The following RBFOX3 variants were observed in gnomAD, a reference collection of about 807,000 sequenced individuals.
RBFOX3 encodes the protein RNA binding fox-1 homolog 3, also known as RNA binding protein fox-1 homolog 3.
In RBFOX3, 17 loss-of-function variants were observed where a neutral mutation model predicts 48.7. The ratio of observed to expected loss-of-function variants is 0.35; its 90% CI spans 0.24 to 0.52. The LOEUF is 0.52. RBFOX3 is among the 20% of genes least tolerant of loss of function. The probability of loss-of-function intolerance (pLI) is 0.94; values close to 1 mark genes in which losing one functional copy is unlikely to be tolerated. For synonymous variants in RBFOX3, 212 were observed against 209.5 expected (o/e 1.01, Z -0.10); for missense variants, 382 against 497.5 (o/e 0.77, Z 2.21).
chr17:79,526,644 G>A (rs948719946), intron 1 of RBFOX3, among the ~76,000 whole-genome samples: 6 of 152,308 alleles, frequency 3.9e-5, no homozygotes, highest in Non-Finnish European at 5.9e-5. Flanking sequence ...GGGCACCACC[G>A]TCCCAGACAA....
intron 2 of RBFOX3, among the ~76,000 whole-genome samples, chr17:79,419,188 T>C (rs2065851715): frequency 6.6e-6 from 1 of 152,188 alleles, no homozygotes; most frequent in African/African-American, 2.4e-5. Flanking sequence ...TGTATGGATG[T>C]TTCAGGCATA....
At position 79,120,019 on chromosome 17, in the gene RBFOX3, C is replaced by A. The variant is rs541698948; in HGVS notation, c.-33-4271G>T. On this transcript the variant is annotated intron_variant, in intron 4 of 14. Transcript: ENST00000693108. ...AGAAGGCTGTGCAGCCAGTATCTGTCCCATTGCTTCTCTTCTTCCCAGGTC... is the reference window on the plus strand; with the variant it reads ...AGAAGGCTGTGCAGCCAGTATCTGTACCATTGCTTCTCTTCTTCCCAGGTC... Among the ~76,000 whole-genome samples the A allele has an allele frequency of 2.6e-5, 4 of 152,302 alleles. No individual in the cohort carries two copies. In the South Asian group the frequency reaches 8.3e-4, roughly 32 times the overall value.
chr17:79,206,782 C>T (rs2057558326), intron 4 of RBFOX3, among the ~76,000 whole-genome samples: 1 of 152,138 alleles, frequency 6.6e-6, no homozygotes, highest in African/African-American at 2.4e-5. Flanking sequence ...ATGCAACCTT[C>T]CCTCTTCTAT....
At chr17:79,281,219 A>G (rs2070385591) in intron 3 of RBFOX3, among the ~76,000 whole-genome samples, 1 of 152,230 alleles carries the variant, frequency 6.6e-6, no homozygotes, top group Admixed American at 6.5e-5. Context: ...TTGGATAATG[A>G]TGGGACTACC....
rs71161654 is a variant in RBFOX3 at position 79,234,721 on chromosome 17, C to CTTTTTTTTTTTTTT, written c.-34+1031_-34+1044dup. 12 of 61,832 alleles carry CTTTTTTTTTTTTTT rather than the reference C, an allele frequency of 1.9e-4. 2 individuals carry two copies. The highest frequency in any genetic ancestry group is 9.5e-4 in the African/African-American group (12 of 12,592). 3.8% of individuals were successfully genotyped at this position (61,832 alleles called of 1,614,324 possible). On this transcript the variant is annotated intron_variant, in intron 4 of 14. Transcript: ENST00000693108. ...TTGGGTTTATTGGGGGCATTAAGTG[C>CTTTTTTTTTTTTTT]TTTTTTTTTTTTTTTTTTTTTTTTT...
chr17:79,645,397 G>A, the RBFOX3 span, among the ~76,000 whole-genome samples: 39 of 152,050 alleles, frequency 2.6e-4, no homozygotes, highest in Non-Finnish European at 5.1e-4. Flanking sequence ...TGGCCACGGA[G>A]ACCTTGCAGT....
At position 79,141,022 on chromosome 17, in the gene RBFOX3, A is replaced by G. The variant is rs554184942; in HGVS notation, c.-33-25274T>C. Among the ~76,000 whole-genome samples, 107 of 152,158 alleles carry G rather than the reference A, an allele frequency of 7.0e-4. 1 individual carries two copies. Among genetic ancestry groups the G allele is most frequent in the Non-Finnish European group, 1.2e-3 (82 of 68,010 alleles). ...GGGATGGTCCTGGGATTTCCTGAGC[A>G]CTCTCTGGGGACAAAGCTCTATACT... On this transcript the variant is annotated intron_variant, in intron 4 of 14. Transcript: ENST00000693108.
At chr17:79,492,439 G>A (rs966189418) in intron 1 of RBFOX3, among the ~76,000 whole-genome samples, 1 of 152,188 alleles carries the variant, frequency 6.6e-6, no homozygotes, top group Non-Finnish European at 1.5e-5. Context: ...GAAGTCAGCC[G>A]CCCTGTCATG....
chr17:79,092,851 T>C (rs2074236718), intron 14 of RBFOX3, among the ~76,000 whole-genome samples: 1 of 152,140 alleles, frequency 6.6e-6, no homozygotes, highest in Admixed American at 6.5e-5. Context: ...TGGGCCAGTG[T>C]GGGGTGCTCT....
intron 3 of RBFOX3, among the ~76,000 whole-genome samples, chr17:79,280,762 TGCCTCTGCTTTGCCAGGG>T (rs1485763733): frequency 2.6e-4 from 39 of 148,954 alleles, no homozygotes; most frequent in African/African-American, 9.6e-4. Flanking sequence ...CATCCAGATT[TGCCTCTGCTTTGCCAGGG>T]GCCTCTGCCT....
chr17:79,434,932 T>C (rs1397080261), intron 2 of RBFOX3, among the ~76,000 whole-genome samples: 1 of 152,198 alleles, frequency 6.6e-6, no homozygotes, highest in Non-Finnish European at 1.5e-5. Context: ...AGCAGGCTCC[T>C]GTCCAAGCAG....
chr17:79,373,029 T>C (rs1224730430), intron 2 of RBFOX3, among the ~76,000 whole-genome samples: 1 of 152,142 alleles, frequency 6.6e-6, no homozygotes, highest in Non-Finnish European at 1.5e-5. Context: ...TGGACTTTTA[T>C]CTCACTCCTC....
At chr17:79,231,493 T>C (rs1391931053) in intron 4 of RBFOX3, among the ~76,000 whole-genome samples, 1 of 152,174 alleles carries the variant, frequency 6.6e-6, no homozygotes, top group African/African-American at 2.4e-5. Context: ...ATCAGGGCTG[T>C]ATTTATTGTA....
Position 79,390,478 on chromosome 17 carries a change from CTTTT to C in RBFOX3, c.-174-82658_-174-82655del, listed in dbSNP as rs11330992. 2.8e-5 allele frequency among the ~76,000 whole-genome samples: 4 copies of C among 141,272 alleles called. No individual in the cohort carries two copies. The highest frequency in any genetic ancestry group is 3.1e-5 in the Non-Finnish European group (2 of 64,816). 92.7% of individuals were successfully genotyped at this position (141,272 alleles called of 152,430 possible). Reference sequence around the variant, plus strand: ...TGGAAATACAGTCTTTGCGCCACTGCTTTTTTTTTTTTTTTTTAGATGGAGTCTC... The same window carrying C: ...TGGAAATACAGTCTTTGCGCCACTGCTTTTTTTTTTTTTAGATGGAGTCTC... On this transcript the variant is annotated intron_variant, in intron 2 of 14. Transcript: ENST00000693108. This position sits in a 1 kb window ranked among gnomAD's most constrained non-coding sequence, Gnocchi z 4.2.
At chr17:79,257,192 C>A (rs937271025) in intron 3 of RBFOX3, among the ~76,000 whole-genome samples, 2 of 152,124 alleles carry the variant, frequency 1.3e-5, no homozygotes, top group Non-Finnish European at 2.9e-5. Context: ...CTGGGGCCTC[C>A]GGGGACTCCT....
intron 4 of RBFOX3, among the ~76,000 whole-genome samples, chr17:79,207,520 C>A (rs1416239502): frequency 6.6e-6 from 1 of 152,242 alleles, no homozygotes; most frequent in Admixed American, 6.5e-5. Flanking sequence ...AGAAGCCTCT[C>A]GGGTTATTCC....
At chr17:79,186,711 G>T (rs951940255) in intron 4 of RBFOX3, among the ~76,000 whole-genome samples, 1 of 152,152 alleles carries the variant, frequency 6.6e-6, no homozygotes. Flanking sequence ...TACCCCATTC[G>T]CCCTGAATCT....
chr17:79,273,621 G>C (rs867026112), intron 3 of RBFOX3, among the ~76,000 whole-genome samples: 1 of 152,098 alleles, frequency 6.6e-6, no homozygotes, highest in Non-Finnish European at 1.5e-5. Flanking sequence ...GGGGGGCAGC[G>C]TGAGGCTGGC....
Position 79,214,882 on chromosome 17 carries a change from C to T in RBFOX3, c.-34+20884G>A, listed in dbSNP as rs982529385. Among the ~76,000 whole-genome samples, 1 of 152,202 alleles carries T rather than the reference C, an allele frequency of 6.6e-6. No individual in the cohort carries two copies. Among genetic ancestry groups the T allele is most frequent in the African/African-American group, 2.4e-5 (1 of 41,454 alleles). On this transcript the variant is annotated intron_variant, in intron 4 of 14. Coordinates refer to ENST00000693108, the MANE Select transcript of RBFOX3 (RefSeq NM_001350451.2). This position sits in a 1 kb window ranked among gnomAD's most constrained non-coding sequence, Gnocchi z 4.7. ...TTTATAGAAAGCCTCATTCAGCTCA[C>T]CCTGTTTGTTCTTTATTTCTCTGGC...
Sources: gnomAD v4.1 joint callset for allele counts (sites outside exome capture counted in the v4.1 genomes callset) on GRCh38, gnomAD v4.1.1 for gene constraint, Gnocchi (gnomAD v3.1) non-coding constraint, MANE v1.5 for transcripts, NCBI Gene and HGNC (gene_info 2026-07-23, HGNC 2026-07-21) for gene names.